The following ABHD2 variants were observed in gnomAD, a reference collection of about 807,000 sequenced individuals.
The protein encoded by ABHD2 is abhydrolase domain containing 2, acylglycerol lipase.
In ABHD2, 20 loss-of-function variants were observed where a neutral mutation model predicts 48.1. That is an observed-to-expected ratio of 0.42 (90% confidence interval 0.29 to 0.60). The LOEUF (loss-of-function observed/expected upper bound fraction) is 0.60. Among genes scored for constraint, ABHD2 ranks in the 20% least tolerant of loss-of-function variants. The pLI is 0.24. For missense variants in ABHD2, 405 were observed against 550.9 expected, an observed-to-expected ratio of 0.74 and a Z score of 2.65; for synonymous variants, 209 against 214.2, an observed-to-expected ratio of 0.98 and a Z score of 0.21.
intron 3 of ABHD2, among the ~76,000 whole-genome samples, chr15:89,138,543 C>T (rs1291177073): frequency 6.6e-6 from 1 of 151,820 alleles, no homozygotes; most frequent in Non-Finnish European, 1.5e-5. Context: ...ATTAATTAGC[C>T]CCCAGATGTA....
rs1015615150 is a variant in ABHD2 at position 89,186,575 on chromosome 15, T to C, written c.815+1059T>C. On this transcript the variant is annotated intron_variant, in intron 7 of 10. Coordinates refer to ENST00000352732, the MANE Select transcript of ABHD2 (RefSeq NM_152924.5). The surrounding 1 kb of genome is among the most constrained non-coding windows in gnomAD (Gnocchi z 4.3). ...CCTTTAAAGTCCATCTCAATTCTCC[T>C]GCTTCTGTGAAGCCAACTCATCCAT... Among the ~76,000 whole-genome samples the C allele has an allele frequency of 1.3e-5, 2 of 152,132 alleles. No homozygotes were observed. The highest frequency in any genetic ancestry group is 2.9e-5 in the Non-Finnish European group (2 of 68,022).
At chr15:89,073,249 C>T in the ABHD2 span, among the ~76,000 whole-genome samples, 1 of 152,112 alleles carries the variant, frequency 6.6e-6, no homozygotes, top group Non-Finnish European at 1.5e-5. Context: ...AAAAAGGGAC[C>T]TAGGTGTGAG....
chr15:89,125,011 C>T (rs1435362590), intron 3 of ABHD2, among the ~76,000 whole-genome samples: 1 of 152,158 alleles, frequency 6.6e-6, no homozygotes, highest in Non-Finnish European at 1.5e-5. Flanking sequence ...ATTGCTTGAA[C>T]CCAGGAGGTG....
intron 1 of ABHD2, among the ~76,000 whole-genome samples, chr15:89,099,764 C>T (rs1026845801): frequency 6.6e-6 from 1 of 151,132 alleles, no homozygotes; most frequent in Non-Finnish European, 1.5e-5. Context: ...CTAAGCTGGG[C>T]ATGGTAGTGC....
At position 89,171,667 on chromosome 15, in the gene ABHD2, C is replaced by A. The variant is rs527663348; in HGVS notation, c.539-4145C>A. Reference sequence around the variant, plus strand: ...AGCTTCCGAAAGGCTAAGCAGCGCCCCCATCTGTGAAGGTTGTTTACTGCA... The same window carrying A: ...AGCTTCCGAAAGGCTAAGCAGCGCCACCATCTGTGAAGGTTGTTTACTGCA... On this transcript the variant is annotated intron_variant, in intron 5 of 10. Coordinates refer to ENST00000352732, the MANE Select transcript of ABHD2 (RefSeq NM_152924.5). Among the ~76,000 whole-genome samples the A allele has an allele frequency of 3.2e-3, 487 of 152,182 alleles. 3 individuals carry two copies. The highest frequency in any genetic ancestry group is 0.011 in the African/African-American group (452 of 41,518).
chr15:89,068,222 A>AC, the ABHD2 span, among the ~76,000 whole-genome samples: 1 of 148,270 alleles, frequency 6.7e-6, no homozygotes, highest in African/African-American at 2.5e-5. Flanking sequence ...ACACACACAC[A>AC]AACTCTGTGT....
chr15:89,079,840 G>A, the ABHD2 span, among the ~76,000 whole-genome samples: 16 of 152,114 alleles, frequency 1.1e-4, no homozygotes, highest in African/African-American at 3.6e-4. This position sits in a 1 kb window ranked among gnomAD's most constrained non-coding sequence, Gnocchi z 4.3. Context: ...CCGAGAACAC[G>A]GGCTACCTCT....
the ABHD2 span, among the ~76,000 whole-genome samples, chr15:89,044,730 C>T: frequency 1.4e-3 from 209 of 151,958 alleles, 1 homozygote; most frequent in African/African-American, 4.7e-3. Context: ...TCACGTCCTT[C>T]GCCCACTTTT....
chr15:89,125,215 C>G (rs1168449406), intron 3 of ABHD2, among the ~76,000 whole-genome samples: 1 of 151,402 alleles, frequency 6.6e-6, no homozygotes, highest in Non-Finnish European at 1.5e-5. Context: ...GACATTGCGC[C>G]ACTGCACTCC....
chr15:89,096,968 C>T (rs1461468048), intron 1 of ABHD2, among the ~76,000 whole-genome samples: 1 of 152,198 alleles, frequency 6.6e-6, no homozygotes, highest in African/African-American at 2.4e-5. Context: ...TGGCAGCAGC[C>T]TCAAGTTTAT....
intron 1 of ABHD2, among the ~76,000 whole-genome samples, chr15:89,098,575 C>T (rs2049651335): frequency 6.6e-6 from 1 of 152,180 alleles, no homozygotes; most frequent in African/African-American, 2.4e-5. Flanking sequence ...TTCTCAGGTT[C>T]CAAATATCCT....
the ABHD2 span, among the ~76,000 whole-genome samples, chr15:89,069,122 C>CTTTTTTTTTTT: frequency 8.0e-6 from 1 of 124,892 alleles, no homozygotes; most frequent in East Asian, 2.4e-4. Context: ...CTTTTCTTTT[C>CTTTTTTTTTTT]TTTTTTTTTT....
chr15:89,081,374 A>T, the ABHD2 span, among the ~76,000 whole-genome samples: 1 of 151,756 alleles, frequency 6.6e-6, no homozygotes. Context: ...TACCAATTTT[A>T]TTTATCCCTT....
In ABHD2 at chr15:89,104,038, G is replaced by A. The variant is rs537957981; in HGVS notation, c.-106-9687G>A. ...AGGAGATCCTGTTTCTACTCACAGC[G>A]TCCGAGGTATTTATAAAACAGAAAT... On this transcript the variant is annotated intron_variant, in intron 1 of 10. Coordinates refer to ENST00000352732, the MANE Select transcript of ABHD2 (RefSeq NM_152924.5). The surrounding 1 kb of genome is among the most constrained non-coding windows in gnomAD (Gnocchi z 4.4). 6 of 152,188 alleles carry A rather than the reference G, an allele frequency of 3.9e-5. No individual in the cohort carries two copies. Among genetic ancestry groups the A allele is most frequent in the South Asian group, 2.1e-4 (1 of 4,836 alleles). The allele number at this position is 152,188 out of a possible 1,614,324, so 9.4% of individuals were successfully genotyped here.
chr15:89,159,708 G>A (rs1483465676), intron 5 of ABHD2, among the ~76,000 whole-genome samples: 4 of 152,064 alleles, frequency 2.6e-5, no homozygotes, highest in Non-Finnish European at 5.9e-5. Context: ...TGGAGATGAG[G>A]TGAATCCATC....
chr15:89,088,328 G>A (rs28366027), upstream of ABHD2: 573 of 152,562 alleles, frequency 3.8e-3, 5 homozygotes, highest in East Asian at 0.048. This position sits in a 1 kb window ranked among gnomAD's most constrained non-coding sequence, Gnocchi z 6.8. Context: ...CAATGAGCGC[G>A]CGGGGCAAGT....
the ABHD2 span, among the ~76,000 whole-genome samples, chr15:89,051,270 A>G: frequency 6.6e-6 from 1 of 152,228 alleles, no homozygotes; most frequent in Non-Finnish European, 1.5e-5. Flanking sequence ...GCACTGTTTC[A>G]GAGCCTGGCA....
intron 3 of ABHD2, among the ~76,000 whole-genome samples, chr15:89,143,386 G>A (rs1233513098): frequency 1.3e-5 from 2 of 152,228 alleles, no homozygotes; most frequent in African/African-American, 4.8e-5. Flanking sequence ...AAAAAAGTGT[G>A]GCCAAGTGCG....
Position 89,198,619 on chromosome 15 carries a change from C to G in ABHD2, c.*3196C>G, listed in dbSNP as rs1162212469. The G allele has an allele frequency of 6.6e-6, 1 of 152,222 alleles. No homozygotes were observed. Among genetic ancestry groups the G allele is most frequent in the Non-Finnish European group, 1.5e-5 (1 of 68,038 alleles). The allele number at this position is 152,222 out of a possible 1,614,324, so 9.4% of individuals were successfully genotyped here. On this transcript the variant is annotated 3_prime_UTR_variant, in exon 11 of 11. Transcript: ENST00000352732. This position sits in a 1 kb window ranked among gnomAD's most constrained non-coding sequence, Gnocchi z 5.1. The stretch of plus-strand genomic sequence containing the variant: ...ATACCTGAGTTCGTGTCCTAATGGT[C>G]TCTAATTCACATTGGATCGTGGGCA...
Sources: gnomAD v4.1 joint callset for allele counts (sites outside exome capture counted in the v4.1 genomes callset) on GRCh38, gnomAD v4.1.1 for gene constraint, Gnocchi (gnomAD v3.1) non-coding constraint, MANE v1.5 for transcripts, NCBI Gene and HGNC (gene_info 2026-07-23, HGNC 2026-07-21) for gene names.